MSTO1: variants seen among roughly 807,000 people sequenced by gnomAD.
The protein encoded by MSTO1 is misato mitochondrial distribution and morphology regulator 1.
In MSTO1, 24 loss-of-function variants were observed where a neutral mutation model predicts 55.7. That is an observed-to-expected ratio of 0.43 (90% CI 0.31 to 0.61). The LOEUF (loss-of-function observed/expected upper bound fraction) is 0.61. Among genes scored for constraint, MSTO1 ranks in the 20% least tolerant of loss-of-function variants. MSTO1 has a pLI of 0.09. For missense variants in MSTO1, 363 were observed against 625.7 expected (o/e 0.58, Z 4.48); for synonymous variants, 162 against 252.8 (o/e 0.64, Z 3.41).
the MSTO1 span, among the ~76,000 whole-genome samples, chr1:155,580,081 G>GAAAAAA: frequency 1.2e-5 from 1 of 82,734 alleles, no homozygotes. Flanking sequence ...ATCTCAAAAA[G>GAAAAAA]AAAAAAAAAA....
At chr1:155,591,136 C>T in the MSTO1 span, 2 of 1,613,380 alleles carry the variant, frequency 1.2e-6, no homozygotes, top group Non-Finnish European at 1.7e-6. Flanking sequence ...CACCACCTGG[C>T]CACCACGATG....
the MSTO1 span, chr1:155,590,713 G>A: frequency 1.9e-6 from 3 of 1,566,500 alleles, no homozygotes; most frequent in Non-Finnish European, 2.6e-6. Flanking sequence ...GGAGGGGCAA[G>A]TGCAGCACAG....
chr1:155,605,400 G>C (rs1672922790), upstream of MSTO1, among the ~76,000 whole-genome samples: 1 of 152,204 alleles, frequency 6.6e-6, no homozygotes, highest in Admixed American at 6.5e-5. Flanking sequence ...TGAATTTGTA[G>C]ATGAAATGGA....
the MSTO1 span, among the ~76,000 whole-genome samples, chr1:155,570,282 T>C: frequency 1.3e-5 from 2 of 152,344 alleles, no homozygotes; most frequent in African/African-American, 4.8e-5. Flanking sequence ...GAAGCAGTCA[T>C]AGTCCCTTCC....
the MSTO1 span, among the ~76,000 whole-genome samples, chr1:155,594,886 A>G: frequency 6.6e-6 from 1 of 152,084 alleles, no homozygotes; most frequent in Non-Finnish European, 1.5e-5. Context: ...CCTGTAATCC[A>G]AGCACTTTGG....
chr1:155,606,688 C>G (rs1266258043), upstream of MSTO1, among the ~76,000 whole-genome samples: 1 of 151,810 alleles, frequency 6.6e-6, no homozygotes, highest in African/African-American at 2.4e-5. Context: ...CCATCGTACC[C>G]AGCCTTTTTT....
At chr1:155,601,141 T>G in the MSTO1 span, among the ~76,000 whole-genome samples, 1 of 151,500 alleles carries the variant, frequency 6.6e-6, no homozygotes, top group East Asian at 1.9e-4. Context: ...TTATTCCTTT[T>G]TTTTTCTTTT....
chr1:155,580,246 C>G, the MSTO1 span, among the ~76,000 whole-genome samples: 1 of 147,654 alleles, frequency 6.8e-6, no homozygotes, highest in African/African-American at 2.5e-5. Context: ...AAAAAAAGGG[C>G]CGAGTGTGGT....
chr1:155,575,127 A>G, the MSTO1 span, among the ~76,000 whole-genome samples: 3 of 151,938 alleles, frequency 2.0e-5, no homozygotes, highest in African/African-American at 7.2e-5. Flanking sequence ...TCAGCTTCCT[A>G]AAGTGCTGGG....
the MSTO1 span, among the ~76,000 whole-genome samples, chr1:155,598,112 C>T: frequency 6.6e-6 from 1 of 152,082 alleles, no homozygotes; most frequent in Non-Finnish European, 1.5e-5. Context: ...GCCACTACAC[C>T]CGGCCAGAAT....
the MSTO1 span, among the ~76,000 whole-genome samples, chr1:155,596,746 C>A: frequency 6.6e-6 from 1 of 152,062 alleles, no homozygotes; most frequent in Non-Finnish European, 1.5e-5. Flanking sequence ...GAGATTGGGC[C>A]ACTGCACTCC....
upstream of MSTO1, among the ~76,000 whole-genome samples, chr1:155,608,200 CTGT>C (rs1672975924): frequency 6.6e-6 from 1 of 152,190 alleles, no homozygotes; most frequent in Admixed American, 6.5e-5. Flanking sequence ...GGGTCTCCCT[CTGT>C]CTCTGGCTGC....
rs1289318176 is a variant in MSTO1, at chr1:155,613,034, C to T, written c.1099-15C>T. On this transcript the variant is annotated splice_polypyrimidine_tract_variant and intron_variant, in intron 10 of 13. Coordinates refer to ENST00000245564, the MANE Select transcript of MSTO1 (RefSeq NM_018116.4). ...GAGAAAATGTCCTATAACGTGTTCTCTTCCATCTCTTTAGGTGGTGACAGC... is the reference window on the plus strand; with the variant it reads ...GAGAAAATGTCCTATAACGTGTTCTTTTCCATCTCTTTAGGTGGTGACAGC... 3.1e-6 allele frequency: 5 copies of T among 1,613,734 alleles called. No homozygotes were observed. The highest frequency in any genetic ancestry group is 1.3e-5 in the African/African-American group (1 of 74,912).
chr1:155,569,430 C>T, the MSTO1 span, among the ~76,000 whole-genome samples: 3 of 137,502 alleles, frequency 2.2e-5, no homozygotes, highest in East Asian at 2.2e-4. Flanking sequence ...CCACTGCGCC[C>T]GGTCTTTTTT....
In MSTO1 at chr1:155,610,315, C is replaced by T. The variant is rs1673544324; in HGVS notation, c.67C>T (p.His23Tyr). The T allele has an allele frequency of 9.5e-7, 1 of 1,053,692 alleles. No individual in the cohort carries two copies. The highest frequency in any genetic ancestry group is 1.6e-5 in the African/African-American group (1 of 60,746). 65.3% of individuals were successfully genotyped at this position (1,053,692 alleles called of 1,614,324 possible). ...LGHFAGFVGA[H>Y]WWNQQDAALG... ...ACATTTTGCCGGTTTCGTGGGCGCG[C>T]ACTGGTGGAACCAGCAGGTGAGGTC... The change falls in exon 1 of 14, where the codon CAC becomes TAC. Residue 23 changes from histidine (H) to tyrosine (Y), a missense_variant. This residue lies in a region of MSTO1 where 94 missense variants were observed against 212.4 expected (regional missense o/e 0.44). Coordinates refer to ENST00000245564, the MANE Select transcript of MSTO1 (RefSeq NM_018116.4).
upstream of MSTO1, among the ~76,000 whole-genome samples, chr1:155,607,764 A>G (rs536395969): frequency 1.3e-5 from 2 of 152,358 alleles, no homozygotes; most frequent in East Asian, 3.9e-4. Context: ...ATATTTTGGG[A>G]GGCCGAAGTG....
the MSTO1 span, among the ~76,000 whole-genome samples, chr1:155,592,944 C>A: frequency 1.3e-5 from 2 of 151,888 alleles, no homozygotes; most frequent in African/African-American, 2.4e-5. Context: ...TGGAGTCTTG[C>A]TCTGTCTCCC....
the MSTO1 span, among the ~76,000 whole-genome samples, chr1:155,576,811 C>A: frequency 1.3e-5 from 2 of 148,148 alleles, no homozygotes; most frequent in African/African-American, 2.5e-5. Flanking sequence ...GTCAGGAGAT[C>A]GAGACCATCC....
At chr1:155,607,125 C>A (rs1672949375), upstream of MSTO1, among the ~76,000 whole-genome samples, 1 of 151,896 alleles carries the variant, frequency 6.6e-6, no homozygotes, top group African/African-American at 2.4e-5. Flanking sequence ...AGCCACCACA[C>A]CCAGCCAGAT....
Sources: gnomAD v4.1 joint callset for allele counts (sites outside exome capture counted in the v4.1 genomes callset) on GRCh38, gnomAD v4.1.1 for gene constraint, gnomAD v4.1.1 regional missense constraint, MANE v1.5 for transcripts, NCBI Gene and HGNC (gene_info 2026-07-23, HGNC 2026-07-21) for gene names.